ZFHX3: variants seen among roughly 807,000 people sequenced by gnomAD.
ZFHX3 encodes zinc finger homeobox 3.
A neutral mutation model predicts 279.1 loss-of-function variants in ZFHX3; 42 were observed. The observed-to-expected ratio is 0.15, with a 90% confidence interval of 0.12 to 0.19. ZFHX3 has a LOEUF of 0.19. Ranked by LOEUF, ZFHX3 falls within the 10% of genes least tolerant of loss-of-function variation. ZFHX3 has a pLI of 1.00. For missense variants in ZFHX3, 4,981 were observed against 4,754.0 expected (o/e 1.05, Z -1.40); for synonymous variants, 2,293 against 1,957.8 (o/e 1.17, Z -4.52).
rs571818202 is a variant in ZFHX3, at chr16:73,093,948, G to T, written c.-896-350C>A. Among the ~76,000 whole-genome samples the T allele has an allele frequency of 7.2e-5, 11 of 152,310 alleles. 1 individual carries two copies. In the South Asian group the frequency reaches 2.3e-3, roughly 32 times the overall value. ...CTCTAGCAGGGATGTAGCCGGCATG[G>T]CACGGGTGAGTCCTGGCCCTGCTCC... On this transcript the variant is annotated intron_variant, in intron 7 of 17. Coordinates refer to the ZFHX3 transcript ENST00000641206.
intron 7 of ZFHX3, among the ~76,000 whole-genome samples, chr16:73,101,667 G>A (rs993534999): frequency 6.6e-6 from 1 of 152,078 alleles, no homozygotes; most frequent in Admixed American, 6.5e-5. Flanking sequence ...CTCCCATAGT[G>A]CTGGGATTAC....
At chr16:72,981,074 C>A (rs1312261233) in intron 1 of ZFHX3, among the ~76,000 whole-genome samples, 1 of 151,982 alleles carries the variant, frequency 6.6e-6, no homozygotes, top group African/African-American at 2.4e-5. Flanking sequence ...AGCCTTTTTT[C>A]AAAGAAATGT....
At chr16:72,871,879 A>G (rs1699634008) in intron 4 of ZFHX3, among the ~76,000 whole-genome samples, 1 of 152,164 alleles carries the variant, frequency 6.6e-6, no homozygotes, top group African/African-American at 2.4e-5. Flanking sequence ...AGGTCACGAG[A>G]TGAAGACCAC....
intron 4 of ZFHX3, among the ~76,000 whole-genome samples, chr16:72,874,198 ATTTTTTTT>A (rs565664402): frequency 0.025 from 2,399 of 95,082 alleles, 35 homozygotes; most frequent in African/African-American, 0.029. Flanking sequence ...GGATTTTTTG[ATTTTTTTT>A]TTTTTTTTTT....
intron 1 of ZFHX3, among the ~76,000 whole-genome samples, chr16:73,682,501 G>T (rs1034057250): frequency 2.6e-5 from 4 of 151,868 alleles, no homozygotes; most frequent in Admixed American, 6.6e-5. Context: ...TAAAAGAAAG[G>T]TAGGCCGGGT....
intron 1 of ZFHX3, among the ~76,000 whole-genome samples, chr16:73,849,734 T>C (rs1444507662): frequency 6.6e-6 from 1 of 152,188 alleles, no homozygotes; most frequent in Non-Finnish European, 1.5e-5. Context: ...TGATATAGCA[T>C]TTATTTATTT....
At chr16:73,362,589 A>G (rs890652746) in intron 3 of ZFHX3, among the ~76,000 whole-genome samples, 2 of 152,238 alleles carry the variant, frequency 1.3e-5, no homozygotes, top group African/African-American at 4.8e-5. Context: ...AACATTCAGA[A>G]CCACCGATGA....
chr16:73,187,550 G>C (rs1967941270), intron 5 of ZFHX3, among the ~76,000 whole-genome samples: 2 of 152,142 alleles, frequency 1.3e-5, no homozygotes, highest in Non-Finnish European at 2.9e-5. Context: ...GGCAGATGGG[G>C]GCATTTCAGA....
At chr16:73,029,969 C>A (rs1964635893) in intron 1 of ZFHX3, among the ~76,000 whole-genome samples, 1 of 152,198 alleles carries the variant, frequency 6.6e-6, no homozygotes, top group Non-Finnish European at 1.5e-5. Flanking sequence ...TCTTGGGACT[C>A]CTCTTTGATC....
At chr16:72,832,909 C>T (rs552389535) in intron 4 of ZFHX3, among the ~76,000 whole-genome samples, 1 of 152,360 alleles carries the variant, frequency 6.6e-6, no homozygotes, top group East Asian at 1.9e-4. Context: ...TTTATACCAT[C>T]ATCATCAACA....
chr16:72,972,932 C>A (rs1332505753), intron 1 of ZFHX3, among the ~76,000 whole-genome samples: 4 of 152,180 alleles, frequency 2.6e-5, no homozygotes, highest in East Asian at 1.9e-4. Flanking sequence ...ATCTCTCCTC[C>A]CTGTTCTCCT....
intron 1 of ZFHX3, among the ~76,000 whole-genome samples, chr16:73,784,786 T>TAATAAA (rs1555501436): frequency 2.2e-5 from 3 of 133,810 alleles, no homozygotes; most frequent in African/African-American, 8.9e-5. Context: ...TTTAACAAAA[T>TAATAAA]AAAAAAAAAA....
chr16:72,945,009 A>G (rs1446906134), intron 3 of ZFHX3, among the ~76,000 whole-genome samples: 1 of 152,142 alleles, frequency 6.6e-6, no homozygotes, highest in East Asian at 1.9e-4. Context: ...TGTGGTGTCT[A>G]AAGAGTGGAG....
intron 3 of ZFHX3, among the ~76,000 whole-genome samples, chr16:73,321,574 C>T (rs1488519236): frequency 6.6e-6 from 1 of 152,180 alleles, no homozygotes; most frequent in East Asian, 1.9e-4. Flanking sequence ...TGATAAGCTC[C>T]CGAACAACAG....
At chr16:73,786,440 GTC>G (rs2142309767) in intron 1 of ZFHX3, among the ~76,000 whole-genome samples, 1 of 152,284 alleles carries the variant, frequency 6.6e-6, no homozygotes, top group South Asian at 2.1e-4. Flanking sequence ...TGTGTTGGTG[GTC>G]TCTGTGTTCA....
At chr16:73,206,071 T>C (rs779081460) in intron 5 of ZFHX3, among the ~76,000 whole-genome samples, 7 of 152,182 alleles carry the variant, frequency 4.6e-5, no homozygotes, top group Non-Finnish European at 7.3e-5. Context: ...TTATGTAAAT[T>C]CTTTGGGCAA....
At position 73,428,459 on chromosome 16, in the gene ZFHX3, C is replaced by T. The variant is rs368501974; in HGVS notation, c.-1291+27544G>A. Among the ~76,000 whole-genome samples, 6 of 152,242 alleles carry T rather than the reference C, an allele frequency of 3.9e-5. No individual in the cohort carries two copies. In the East Asian group the frequency reaches 5.8e-4, roughly 15 times the overall value. ...AAGAAAACACCTCCCCGCGCTCCCT[C>T]GAACCCCCGACAGTGAGTTCACCTC... is the stretch of plus-strand genomic sequence containing the variant. On this transcript the variant is annotated intron_variant, in intron 3 of 17. Coordinates refer to the ZFHX3 transcript ENST00000641206.
intron 3 of ZFHX3, among the ~76,000 whole-genome samples, chr16:72,897,027 ATTCCAGGAGATGCGAGGTGCTTCC>A (rs1232957524): frequency 5.3e-5 from 8 of 152,248 alleles, no homozygotes; most frequent in African/African-American, 1.7e-4. Context: ...CCAGGGGGCT[ATTCCAGGAGATGCGAGGTGCTTCC>A]TGCCCAGCAG....
At chr16:73,587,411 A>T (rs185626185) in intron 2 of ZFHX3, among the ~76,000 whole-genome samples, 3 of 152,358 alleles carry the variant, frequency 2.0e-5, no homozygotes, top group African/African-American at 7.2e-5. Context: ...TTAGATGTTG[A>T]TGAAGCTGCA....
Sources: allele counts gnomAD v4.1 joint callset (sites outside exome capture counted in the v4.1 genomes callset), GRCh38; gene constraint gnomAD v4.1.1; transcripts MANE v1.5; gene names NCBI Gene and HGNC (gene_info 2026-07-23, HGNC 2026-07-21).